The following PCDHGA4 variants were observed in gnomAD, a reference collection of about 807,000 sequenced individuals.
The protein encoded by PCDHGA4 is protocadherin gamma subfamily A, 4, also known as protocadherin gamma-A4.
PCDHGA4 carries 38 observed loss-of-function variants against 54.6 expected under a neutral mutation model. That is an observed-to-expected ratio of 0.70 (90% CI 0.54 to 0.91). The LOEUF is 0.91. Ranked by LOEUF, PCDHGA4 falls within the 40% of genes least tolerant of loss-of-function variation. The pLI, the probability that PCDHGA4 is intolerant of heterozygous loss-of-function variation, is 0.00. For missense variants in PCDHGA4, 1,298 were observed against 1,220.9 expected, an observed-to-expected ratio of 1.06 and a Z score of -0.94; for synonymous variants, 511 against 512.9, an observed-to-expected ratio of 1.00 and a Z score of 0.05.
intron 1 of PCDHGA4, chr5:141,419,581 C>T: frequency 6.2e-7 from 1 of 1,611,888 alleles, no homozygotes; most frequent in South Asian, 1.1e-5. Context: ...GCTCCGCGCT[C>T]TTCGACACAG....
chr5:141,377,257 C>CT (rs1361180220), intron 1 of PCDHGA4: 1 of 147,998 alleles, frequency 6.8e-6, no homozygotes, highest in Non-Finnish European at 1.5e-5. Context: ...AAGGTTCTTT[C>CT]TTTTTCTAAT....
intron 1 of PCDHGA4, chr5:141,408,761 G>A (rs1469424988): frequency 8.7e-6 from 14 of 1,610,446 alleles, no homozygotes; most frequent in Non-Finnish European, 1.2e-5. Flanking sequence ...AGTTAATTCC[G>A]ATGGTGGCAA....
chr5:141,420,030 G>A (rs1269646706), intron 1 of PCDHGA4: 1 of 1,613,940 alleles, frequency 6.2e-7, no homozygotes, highest in Non-Finnish European at 8.5e-7. Flanking sequence ...CCTACTGCAG[G>A]AGACTGCTTT....
intron 1 of PCDHGA4, chr5:141,360,626 C>T (rs767378932): frequency 1.5e-5 from 24 of 1,613,892 alleles, no homozygotes; most frequent in Non-Finnish European, 7.6e-6. Flanking sequence ...GATGTTGGTC[C>T]TAACTCACTA....
chr5:141,421,834 CGA>C lies in PCDHGA4; in HGVS notation c.2514+64218_2514+64219del, dbSNP rs763631483. The C allele has an allele frequency of 2.1e-5, 34 of 1,613,630 alleles. No homozygotes were observed. The Admixed American group carries it at 5.5e-4, about 26-fold the overall frequency. ...GCTAGTACTGGAGGGAAGCCTGGAC[CGA>C]GAGAAAGAGGCTGCTCACCTGCTCC... On this transcript the variant is annotated intron_variant, in intron 1 of 3. Transcript: ENST00000571252.
chr5:141,415,007 G>A (rs369009151), intron 1 of PCDHGA4: 1 of 1,613,654 alleles, frequency 6.2e-7, no homozygotes, highest in South Asian at 1.1e-5. Flanking sequence ...CTGTCCTACC[G>A]TCTGCTCAAG....
chr5:141,508,979 G>C (rs1317798009), intron 3 of PCDHGA4, among the ~76,000 whole-genome samples: 1 of 152,110 alleles, frequency 6.6e-6, no homozygotes, highest in Admixed American at 6.5e-5. Context: ...GCTGGGGGTG[G>C]GGGCCAGCTG....
chr5:141,367,991 T>C (rs941036288), intron 1 of PCDHGA4, among the ~76,000 whole-genome samples: 16 of 152,230 alleles, frequency 1.1e-4, no homozygotes, highest in Admixed American at 1.0e-3. Context: ...TTAATAGATT[T>C]GTCTTAATGA....
intron 1 of PCDHGA4, chr5:141,361,013 A>T: frequency 6.2e-7 from 1 of 1,613,268 alleles, no homozygotes; most frequent in Non-Finnish European, 8.5e-7. Flanking sequence ...CACTTTTTCA[A>T]CTTAAATGAA....
intron 1 of PCDHGA4, among the ~76,000 whole-genome samples, chr5:141,444,466 C>T (rs539222916): frequency 7.9e-5 from 12 of 152,100 alleles, no homozygotes; most frequent in East Asian, 1.9e-4. Context: ...TCACTGCGCC[C>T]GGTCGCGTAC....
At chr5:141,368,540 A>AT (rs34785174) in intron 1 of PCDHGA4, among the ~76,000 whole-genome samples, 26 of 152,116 alleles carry the variant, frequency 1.7e-4, no homozygotes, top group South Asian at 6.2e-4. Flanking sequence ...TTGCTTTTCC[A>AT]TTTTTTTTAA....
intron 1 of PCDHGA4, among the ~76,000 whole-genome samples, chr5:141,454,062 A>T (rs548960162): frequency 6.6e-6 from 1 of 152,380 alleles, no homozygotes; most frequent in East Asian, 1.9e-4. Context: ...CAAAGAAACA[A>T]AAGTGATAAT....
In PCDHGA4 at chr5:141,423,272, T is replaced by C. The variant is rs372798900; in HGVS notation, c.2514+65651T>C. On this transcript the variant is annotated intron_variant, in intron 1 of 3. Coordinates refer to ENST00000571252, the MANE Select transcript of PCDHGA4 (RefSeq NM_018917.4). ...GCGGACCTCGGCAGCCTCGAGTCTC[T>C]GGCTAACTCTGAAACCTCAGACCTC... 36 of 1,613,586 alleles carry C rather than the reference T, an allele frequency of 2.2e-5. No individual in the cohort carries two copies. In the African/African-American group the frequency reaches 4.4e-4, roughly 20 times the overall value.
chr5:141,430,090 G>T (rs2097260736), intron 1 of PCDHGA4, among the ~76,000 whole-genome samples: 1 of 152,096 alleles, frequency 6.6e-6, no homozygotes, highest in Non-Finnish European at 1.5e-5. Context: ...ATGAAAATTT[G>T]ATTTTTAAGC....
In PCDHGA4 at chr5:141,491,848, C is replaced by A; in HGVS notation, c.2515-2959C>A. 1 of 1,461,478 alleles carries A rather than the reference C, an allele frequency of 6.8e-7. No homozygotes were observed. Among genetic ancestry groups the A allele is most frequent in the Non-Finnish European group, 9.1e-7 (1 of 1,104,578 alleles). The allele number at this position is 1,461,478 out of a possible 1,614,324, so 90.5% of individuals were successfully genotyped here. A position where few individuals can be genotyped will look rare whatever the true frequency, so the allele number is the denominator to read the frequency against. On this transcript the variant is annotated intron_variant, in intron 1 of 3. Transcript: ENST00000571252. This position sits in a 1 kb window ranked among gnomAD's most constrained non-coding sequence, Gnocchi z 6.9. ...CACCCGATTCTCGGGATCATTGGAC[C>A]GTTTGCGCGAAACCAGAGTGGCCGA...
In PCDHGA4 at chr5:141,431,710, G is replaced by A. The variant is rs1249423969; in HGVS notation, c.2515-63097G>A. On this transcript the variant is annotated intron_variant, in intron 1 of 3. Coordinates refer to ENST00000571252, the MANE Select transcript of PCDHGA4 (RefSeq NM_018917.4). The surrounding 1 kb of genome is among the most constrained non-coding windows in gnomAD (Gnocchi z 4.8). ...ACGAGGAGTCAGGATTCTACCAGAT[G>A]GAAGTGCAAGCAATGGATAATGCAG... is the stretch of plus-strand genomic sequence containing the variant. 3.1e-6 allele frequency: 5 copies of A among 1,614,116 alleles called. No individual in the cohort carries two copies. Among genetic ancestry groups the A allele is most frequent in the South Asian group, 1.1e-5 (1 of 91,088 alleles).
At chr5:141,429,735 T>C (rs911956546) in intron 1 of PCDHGA4, among the ~76,000 whole-genome samples, 1 of 152,202 alleles carries the variant, frequency 6.6e-6, no homozygotes. Flanking sequence ...ACGTAGCCAG[T>C]TATTTCTTAG....
chr5:141,505,294 G>A, intron 2 of PCDHGA4, 99 bp from the exon 3 acceptor site: 1 of 1,572,086 alleles, frequency 6.4e-7, no homozygotes, highest in Non-Finnish European at 8.6e-7. Flanking sequence ...GCATGGGGTA[G>A]GGTTAGGGTA....
intron 1 of PCDHGA4, among the ~76,000 whole-genome samples, chr5:141,480,866 G>A (rs1329444129): frequency 6.6e-6 from 1 of 152,142 alleles, no homozygotes; most frequent in Non-Finnish European, 1.5e-5. Flanking sequence ...CCAATATGGT[G>A]AAACCCCGTC....
Sources: allele counts gnomAD v4.1 joint callset (sites outside exome capture counted in the v4.1 genomes callset), GRCh38; gene constraint gnomAD v4.1.1; non-coding constraint Gnocchi (gnomAD v3.1); transcripts MANE v1.5; gene names NCBI Gene and HGNC (gene_info 2026-07-23, HGNC 2026-07-21).